The following SOAT1 variants were observed in gnomAD, a reference collection of about 807,000 sequenced individuals.
The protein encoded by SOAT1 is sterol O-acyltransferase 1.
In SOAT1, 55 loss-of-function variants were observed where a neutral mutation model predicts 69.5. The observed-to-expected ratio is 0.79, with a 90% CI of 0.64 to 0.99. The LOEUF (loss-of-function observed/expected upper bound fraction) is 0.99. Ranked by LOEUF, SOAT1 falls within the 50% of genes least tolerant of loss-of-function variation. The pLI, the probability that SOAT1 is intolerant of heterozygous loss-of-function variation, is 0.00. For synonymous variants in SOAT1, 231 were observed against 224.7 expected (o/e 1.03, Z -0.25); for missense variants, 580 against 669.3 (o/e 0.87, Z 1.47).
intron 11 of SOAT1, among the ~76,000 whole-genome samples, chr1:179,346,827 C>G (rs960878989): frequency 1.3e-5 from 2 of 152,100 alleles, no homozygotes; most frequent in African/African-American, 4.8e-5. Context: ...CCCAGCTATT[C>G]TGGAGGCTGA....
rs1377668811 is a variant in SOAT1, at chr1:179,335,577, G to T, written c.249G>T (p.Lys83Asn). The T allele has an allele frequency of 6.2e-7, 1 of 1,613,912 alleles. No homozygotes were observed. Among genetic ancestry groups the T allele is most frequent in the East Asian group, 2.2e-5 (1 of 44,872 alleles). ...FDDFVTNLIEKSASLDNGGCA... is the reference protein window; with the variant it reads ...FDDFVTNLIENSASLDNGGCA... ...ATTTTGTGACCAATCTCATTGAAAA[G>T]TCAGCATCATTAGATAATGGTGGGT... Residue 83 changes from lysine (K) to asparagine (N), a missense_variant, in exon 4 of 16, where the codon AAG becomes AAT. By Grantham distance (94) the Lys-to-Asn change is moderately conservative (BLOSUM62 0). Coordinates refer to ENST00000367619, the MANE Select transcript of SOAT1 (RefSeq NM_003101.6).
intron 11 of SOAT1, among the ~76,000 whole-genome samples, chr1:179,345,467 A>G (rs183812892): frequency 5.3e-5 from 8 of 152,310 alleles, no homozygotes; most frequent in Admixed American, 2.0e-4. Context: ...AATCCAGTGG[A>G]TGGATTAAGA....
rs1666870442 is a variant in SOAT1, at chr1:179,355,265, T to A, written c.*1624T>A. ...GCTAACTAGTTTGCTTTAATATGGC[T>A]TGTAATTCTTGACATTTTTCTTAAA... On this transcript the variant is annotated 3_prime_UTR_variant, in exon 16 of 16. Transcript: ENST00000367619. The A allele has an allele frequency of 6.6e-6, 1 of 152,230 alleles. No homozygotes were observed. Among genetic ancestry groups the A allele is most frequent in the Non-Finnish European group, 1.5e-5 (1 of 68,038 alleles). The allele number at this position is 152,230 out of a possible 1,614,324, so 9.4% of individuals were successfully genotyped here. A position where few individuals can be genotyped will look rare whatever the true frequency, so the allele number is the denominator to read the frequency against.
chr1:179,328,896 T>C (rs1665874800), intron 3 of SOAT1, among the ~76,000 whole-genome samples: 2 of 151,486 alleles, frequency 1.3e-5, no homozygotes, highest in Admixed American at 1.3e-4. Context: ...ATACAAAAAA[T>C]TTGCTGGGCA....
At chr1:179,321,952 G>C (rs931608227) in intron 2 of SOAT1, among the ~76,000 whole-genome samples, 1 of 151,308 alleles carries the variant, frequency 6.6e-6, no homozygotes, top group Non-Finnish European at 1.5e-5. Context: ...GTGCGATCAC[G>C]CTCACTGCAG....
At chr1:179,317,151 T>G (rs903768128) in intron 2 of SOAT1, among the ~76,000 whole-genome samples, 1 of 152,224 alleles carries the variant, frequency 6.6e-6, no homozygotes, top group Non-Finnish European at 1.5e-5. Flanking sequence ...GTGTATTTTT[T>G]CTGGGAAATT....
At chr1:179,342,060 A>G (rs567817156) in intron 7 of SOAT1, 54 bp from the exon 8 acceptor site, 1 of 1,609,850 alleles carries the variant, frequency 6.2e-7, no homozygotes, top group South Asian at 1.1e-5. Flanking sequence ...AATGGAAAGG[A>G]CACTTGCAGG....
chr1:179,302,719 G>A lies in SOAT1; in HGVS notation c.35G>A (p.Arg12Gln), dbSNP rs143615604. ...VGEEKMSLRN[R>Q]LSKSRENPEE... ...GAAGAGAAGATGTCTCTAAGAAACC[G>A]GCTGTCAAAGTCCAGGGAAAATCCT... The change falls in exon 2 of 16, where the codon CGG becomes CAG. Residue 12 changes from arginine (R) to glutamine (Q), a missense_variant. Physicochemically the swap from Arg to Gln is conservative, Grantham distance 43. Coordinates refer to ENST00000367619, the MANE Select transcript of SOAT1 (RefSeq NM_003101.6). 24 of 1,609,484 alleles carry A rather than the reference G, an allele frequency of 1.5e-5. No individual in the cohort carries two copies. In the South Asian group the frequency reaches 1.7e-4, roughly 11 times the overall value.
chr1:179,341,996 TA>T, intron 7 of SOAT1, 117 bp from the exon 8 acceptor site: 1 of 1,361,386 alleles, frequency 7.3e-7, no homozygotes, highest in Non-Finnish European at 9.7e-7. Context: ...TTAATTTGTT[TA>T]TACACTTATC....
At chr1:179,314,651 C>T (rs1019364070) in intron 2 of SOAT1, among the ~76,000 whole-genome samples, 3 of 152,042 alleles carry the variant, frequency 2.0e-5, no homozygotes, top group Non-Finnish European at 4.4e-5. Flanking sequence ...GTCTCAAACT[C>T]CTGGCTTCAA....
intron 2 of SOAT1, among the ~76,000 whole-genome samples, chr1:179,311,026 TG>T (rs1665202669): frequency 1.3e-5 from 2 of 152,088 alleles, no homozygotes; most frequent in Non-Finnish European, 2.9e-5. Flanking sequence ...CATGTGACAG[TG>T]TACAAGATGT....
rs952836291 is a variant in SOAT1, at chr1:179,356,345, A to C, written c.*2704A>C. On this transcript the variant is annotated 3_prime_UTR_variant, in exon 16 of 16. Coordinates refer to ENST00000367619, the MANE Select transcript of SOAT1 (RefSeq NM_003101.6). ...AAATTTGTTAGATCCTTTTATTCTC[A>C]ATCTTGGATAATGATGCAAAATGGA... The C allele has an allele frequency of 6.6e-6, 1 of 152,080 alleles. No individual in the cohort carries two copies. Among genetic ancestry groups the C allele is most frequent in the Non-Finnish European group, 1.5e-5 (1 of 68,030 alleles). The allele number at this position is 152,080 out of a possible 1,614,324, so 9.4% of individuals were successfully genotyped here.
In SOAT1 at chr1:179,354,817, A is replaced by T. The variant is rs553236216; in HGVS notation, c.*1176A>T. The T allele has an allele frequency of 1.3e-5, 2 of 152,208 alleles. No homozygotes were observed. Among genetic ancestry groups the T allele is most frequent in the Non-Finnish European group, 2.9e-5 (2 of 68,028 alleles). 9.4% of individuals were successfully genotyped at this position (152,208 alleles called of 1,614,324 possible). ...TACAATGTGTGTAGGAATTATTTGT[A>T]TGTATGAGGTATGATTGTAAAGATT... On this transcript the variant is annotated 3_prime_UTR_variant, in exon 16 of 16. Coordinates refer to ENST00000367619, the MANE Select transcript of SOAT1 (RefSeq NM_003101.6).
At chr1:179,323,583 T>C in intron 3 of SOAT1, 88 bp downstream of exon 3, 1 of 1,065,158 alleles carries the variant, frequency 9.4e-7, no homozygotes, top group Non-Finnish European at 1.4e-6. Context: ...ATTGCTCAGA[T>C]AATTATTTAA....
chr1:179,307,607 C>CA (rs11445535), intron 2 of SOAT1, among the ~76,000 whole-genome samples: 41,439 of 150,046 alleles, frequency 0.28, 5,995 homozygotes, highest in African/African-American at 0.37. Context: ...TTGCAGACTT[C>CA]AAAAAAAAAT....
chr1:179,311,459 A>G (rs761460736), intron 2 of SOAT1, among the ~76,000 whole-genome samples: 3 of 152,216 alleles, frequency 2.0e-5, no homozygotes, highest in Non-Finnish European at 2.9e-5. Context: ...ATGGGTGGAA[A>G]CTATTGGCTA....
intron 15 of SOAT1, among the ~76,000 whole-genome samples, chr1:179,352,092 A>C (rs1666759795): frequency 6.8e-6 from 1 of 146,904 alleles, no homozygotes; most frequent in Non-Finnish European, 1.5e-5. Context: ...TTTTTTTTTA[A>C]ACCTCTTTCT....
chr1:179,343,839 T>C (rs977149919), intron 10 of SOAT1, among the ~76,000 whole-genome samples: 2 of 152,240 alleles, frequency 1.3e-5, no homozygotes, highest in African/African-American at 4.8e-5. Flanking sequence ...AAGAATATAT[T>C]AGGCTGGGCG....
chr1:179,314,976 A>G (rs149213652), intron 2 of SOAT1, among the ~76,000 whole-genome samples: 25 of 152,278 alleles, frequency 1.6e-4, no homozygotes, highest in African/African-American at 5.3e-4. Flanking sequence ...GCGGGGTTCT[A>G]TTAAGTTTCA....
Sources: allele counts gnomAD v4.1 joint callset (sites outside exome capture counted in the v4.1 genomes callset), GRCh38; gene constraint gnomAD v4.1.1; transcripts MANE v1.5; gene names NCBI Gene and HGNC (gene_info 2026-07-23, HGNC 2026-07-21).